The following P2RX4 variants were observed in gnomAD, a reference collection of about 807,000 sequenced individuals.
P2RX4 encodes the protein P2X purinoceptor 4.
P2RX4 carries 37 observed loss-of-function variants against 48.0 expected under a neutral mutation model. The observed-to-expected ratio is 0.77, with a 90% CI of 0.59 to 1.01. The LOEUF (loss-of-function observed/expected upper bound fraction) is 1.01, where lower values mean the gene tolerates loss of function less well. Among genes scored for constraint, P2RX4 ranks in the 50% least tolerant of loss-of-function variants. The pLI is 0.00. For missense variants in P2RX4, 501 were observed against 521.4 expected (o/e 0.96, Z 0.38); for synonymous variants, 200 against 199.7 (o/e 1.00, Z -0.01).
At chr12:121,220,735 G>A (rs1221765480) in intron 2 of P2RX4, among the ~76,000 whole-genome samples, 3 of 152,142 alleles carry the variant, frequency 2.0e-5, no homozygotes, top group African/African-American at 7.2e-5. Context: ...CCTCTATCTA[G>A]TTCAAAACAT....
intron 8 of P2RX4, among the ~76,000 whole-genome samples, chr12:121,230,982 A>ATAT (rs1471846304): frequency 0.023 from 2,639 of 113,232 alleles, 62 homozygotes; most frequent in African/African-American, 0.052. Flanking sequence ...ATATATATAT[A>ATAT]TTTTTTTTTT....
chr12:121,211,524 A>T (rs1029023854), intron 1 of P2RX4, among the ~76,000 whole-genome samples: 4 of 151,992 alleles, frequency 2.6e-5, no homozygotes, highest in African/African-American at 9.7e-5. Flanking sequence ...GCGAGAGAGA[A>T]GATGATAATT....
Position 121,229,217 on chromosome 12 carries a change from G to T in P2RX4, c.884+118G>T. ...GGCAGCACCCCAAGGGCAGGCTGCC[G>T]GTCCCCCGTCCAAGGCGGCGGGAAG... On this transcript the variant is annotated intron_variant, in intron 8 of 11. Coordinates refer to ENST00000337233, the MANE Select transcript of P2RX4 (RefSeq NM_002560.3). This position sits in a 1 kb window ranked among gnomAD's most constrained non-coding sequence, Gnocchi z 4.6. The T allele has an allele frequency of 7.9e-7, 1 of 1,273,028 alleles. No individual in the cohort carries two copies. The highest frequency in any genetic ancestry group is 1.1e-6 in the Non-Finnish European group (1 of 888,230). 78.9% of individuals were successfully genotyped at this position (1,273,028 alleles called of 1,614,324 possible).
chr12:121,217,631 T>G (rs1886314853), intron 2 of P2RX4, among the ~76,000 whole-genome samples: 1 of 151,804 alleles, frequency 6.6e-6, no homozygotes. Flanking sequence ...TTTCAGACAG[T>G]GTAAAAACTT....
rs1387767226 is a variant in P2RX4 at position 121,210,341 on chromosome 12, C to G, written c.134+43C>G. ...CGGGGGGCGCGGCGGGTGCTGCCCT[C>G]GCGTCCGCGCCGTGCGGCGGCTCAT... On this transcript the variant is annotated intron_variant, in intron 1 of 11. Coordinates refer to ENST00000337233, the MANE Select transcript of P2RX4 (RefSeq NM_002560.3). 6.3e-6 allele frequency: 9 copies of G among 1,431,886 alleles called. No individual in the cohort carries two copies. The African/African-American group carries it at 1.2e-4, about 19-fold the overall frequency. The allele number at this position is 1,431,886 out of a possible 1,614,324, so 88.7% of individuals were successfully genotyped here. A position where few individuals can be genotyped will look rare whatever the true frequency, so the allele number is the denominator to read the frequency against.
chr12:121,233,272 A>G, intron 11 of P2RX4, 180 bp downstream of exon 11: 1 of 639,322 alleles, frequency 1.6e-6, no homozygotes, highest in Non-Finnish European at 2.8e-6. Flanking sequence ...AGGCCCCTGT[A>G]CTAGATTGAC....
In P2RX4 at chr12:121,210,312, C is replaced by A; in HGVS notation, c.134+14C>A. On this transcript the variant is annotated intron_variant, in intron 1 of 11. Coordinates refer to ENST00000337233, the MANE Select transcript of P2RX4 (RefSeq NM_002560.3). ...CTACGTCATCGGGTGAGCGTGGGGC[C>A]GCGCGGGGGGCGCGGCGGGTGCTGC... 6.6e-7 allele frequency: 1 copy of A among 1,508,616 alleles called. No homozygotes were observed. Among genetic ancestry groups the A allele is most frequent in the Non-Finnish European group, 8.8e-7 (1 of 1,132,812 alleles). 93.5% of individuals were successfully genotyped at this position (1,508,616 alleles called of 1,614,324 possible). A position where few individuals can be genotyped will look rare whatever the true frequency, so the allele number is the denominator to read the frequency against.
At position 121,228,761 on chromosome 12, in the gene P2RX4, C is replaced by T. The variant is rs143435887; in HGVS notation, c.642C>T (p.Leu214=). ...NILPNITTTY[L]KSCIYDAKTD... ...TTCCCAACATCACCACTACTTACCT[C>T]AAGTCGTGCATTTATGATGCTAAAA... Residue 214 remains leucine, a synonymous_variant, in exon 7 of 12, where the codon CTC becomes CTT. Coordinates refer to ENST00000337233, the MANE Select transcript of P2RX4 (RefSeq NM_002560.3). 8.1e-6 allele frequency: 13 copies of T among 1,613,956 alleles called. No homozygotes were observed. The highest frequency in any genetic ancestry group is 1.6e-4 in the Middle Eastern group (1 of 6,082).
Position 121,233,624 on chromosome 12 carries a change from C to T in P2RX4, c.*75C>T, listed in dbSNP as rs1887520036. On this transcript the variant is annotated 3_prime_UTR_variant, in exon 12 of 12. Transcript: ENST00000337233. Reference sequence around the variant, plus strand: ...GAGGAGGAGGGAGAAATGGCCACCACATCACCCCAGAGAAATTTCTGGAAT... The same window carrying T: ...GAGGAGGAGGGAGAAATGGCCACCATATCACCCCAGAGAAATTTCTGGAAT... 6.4e-7 allele frequency: 1 copy of T among 1,565,238 alleles called. No homozygotes were observed.
chr12:121,231,310 C>T (rs1462094205), intron 8 of P2RX4, among the ~76,000 whole-genome samples: 2 of 152,134 alleles, frequency 1.3e-5, no homozygotes, highest in East Asian at 1.9e-4. Flanking sequence ...AATGGTCTTA[C>T]TGAGATGCAA....
At chr12:121,219,920 G>C (rs1048745008) in intron 2 of P2RX4, among the ~76,000 whole-genome samples, 4 of 151,938 alleles carry the variant, frequency 2.6e-5, no homozygotes, top group Admixed American at 1.3e-4. Context: ...ATGAGAGGAG[G>C]ATCCAACTAG....
intron 1 of P2RX4, chr12:121,216,862 G>A (rs1210547926): frequency 1.0e-5 from 7 of 677,696 alleles, no homozygotes; most frequent in African/African-American, 1.8e-5. Flanking sequence ...AATAAAGACA[G>A]TATTCATCGA....
At chr12:121,222,364 GTTT>G (rs58279823) in intron 4 of P2RX4, 198 bp downstream of exon 4, 3 of 451,014 alleles carry the variant, frequency 6.7e-6, no homozygotes, top group South Asian at 3.3e-5. Context: ...TTGCCCTACT[GTTT>G]TTTTTTTTGT....
intron 5 of P2RX4, among the ~76,000 whole-genome samples, chr12:121,226,663 G>C (rs1165552688): frequency 1.3e-5 from 2 of 152,190 alleles, no homozygotes; most frequent in East Asian, 3.8e-4. Flanking sequence ...TATGTTATGT[G>C]AATTTCATCT....
In P2RX4 at chr12:121,210,220, G is replaced by C. The variant is rs1368165326; in HGVS notation, c.56G>C (p.Arg19Pro). Residue 19 changes from arginine to proline, a missense_variant, in exon 1 of 12, where the codon CGC (arginine) becomes CCC (proline). Physicochemically the swap from Arg to Pro is moderately radical, Grantham distance 103 (BLOSUM62 -2). Around this residue, in one of 3 missense-constraint regions of P2RX4, gnomAD observed 295 missense variants for 275.3 expected, o/e 1.07. Coordinates refer to ENST00000337233, the MANE Select transcript of P2RX4 (RefSeq NM_002560.3). The part of the protein sequence containing the change: ...AAFLFEYDTP[R>P]IVLIRSRKVG... ...TTCCTGTTCGAGTACGACACGCCGC[G>C]CATCGTGCTCATCCGCAGCCGCAAA... The C allele has an allele frequency of 1.3e-5, 20 of 1,559,266 alleles. No homozygotes were observed. Among genetic ancestry groups the C allele is most frequent in the Non-Finnish European group, 1.6e-5 (19 of 1,157,584 alleles).
chr12:121,220,635 C>T (rs1886535871), intron 2 of P2RX4, among the ~76,000 whole-genome samples: 1 of 151,794 alleles, frequency 6.6e-6, no homozygotes, highest in South Asian at 2.1e-4. Context: ...GGCTCTGTCT[C>T]AAATAAATAA....
intron 2 of P2RX4, among the ~76,000 whole-genome samples, chr12:121,219,620 GATA>G (rs1555235758): frequency 0.21 from 22,864 of 109,612 alleles, 2,169 homozygotes; most frequent in Admixed American, 0.3. Flanking sequence ...TGGATGGATA[GATA>G]GATAGATAGA....
At chr12:121,217,807 T>G (rs1593203164) in intron 2 of P2RX4, among the ~76,000 whole-genome samples, 1 of 148,634 alleles carries the variant, frequency 6.7e-6, no homozygotes, top group African/African-American at 2.5e-5. Flanking sequence ...TAGAGACCAT[T>G]AGAGACCAAA....
intron 5 of P2RX4, among the ~76,000 whole-genome samples, chr12:121,224,432 C>T (rs912014441): frequency 1.3e-5 from 2 of 151,870 alleles, no homozygotes; most frequent in Admixed American, 6.6e-5. Flanking sequence ...GGAGAAACCC[C>T]GTCTCCACTA....
Sources: gnomAD v4.1 joint callset for allele counts (sites outside exome capture counted in the v4.1 genomes callset) on GRCh38, gnomAD v4.1.1 for gene constraint, gnomAD v4.1.1 regional missense constraint, Gnocchi (gnomAD v3.1) non-coding constraint, MANE v1.5 for transcripts, NCBI Gene and HGNC (gene_info 2026-07-23, HGNC 2026-07-21) for gene names.